LRBA: variants seen among roughly 807,000 people sequenced by gnomAD.
The protein encoded by LRBA is lipopolysaccharide-responsive and beige-like anchor protein.
LRBA carries 176 observed loss-of-function variants against 330.0 expected under a neutral mutation model. The ratio of observed to expected loss-of-function variants is 0.53; its 90% CI spans 0.47 to 0.60. The LOEUF is 0.60. LRBA is among the 20% of genes least tolerant of loss of function. The pLI is 0.00. For missense variants in LRBA, 3,259 were observed against 3,444.8 expected, an observed-to-expected ratio of 0.95 and a Z score of 1.35; for synonymous variants, 1,230 against 1,193.0, an observed-to-expected ratio of 1.03 and a Z score of -0.64.
chr4:150,322,839 G>A (rs1247982177), intron 49 of LRBA, among the ~76,000 whole-genome samples: 1 of 152,146 alleles, frequency 6.6e-6, no homozygotes, highest in Non-Finnish European at 1.5e-5. Flanking sequence ...ACTATCTGAT[G>A]GTGTGAAAAC....
intron 37 of LRBA, among the ~76,000 whole-genome samples, chr4:150,618,204 G>C (rs1486075712): frequency 6.6e-6 from 1 of 152,088 alleles, no homozygotes; most frequent in Non-Finnish European, 1.5e-5. Context: ...TACTATTGTT[G>C]AAAGTTTACT....
intron 40 of LRBA, chr4:150,582,929 C>T: frequency 7.2e-7 from 1 of 1,395,086 alleles, no homozygotes; most frequent in Non-Finnish European, 9.7e-7. Flanking sequence ...GGGGAGCGCA[C>T]CGCCTCTTTC....
chr4:150,306,810 C>T (rs1056460899), intron 52 of LRBA, among the ~76,000 whole-genome samples: 2 of 152,164 alleles, frequency 1.3e-5, no homozygotes, highest in African/African-American at 2.4e-5. Flanking sequence ...GATGAGACAA[C>T]ATGCTATGAT....
rs539381183 is a variant in LRBA at position 150,994,510 on chromosome 4, AG to A, written c.216+19916del. Among the ~76,000 whole-genome samples the A allele has an allele frequency of 1.3e-4, 20 of 152,372 alleles. No homozygotes were observed. In the South Asian group the frequency reaches 4.1e-3, roughly 32 times the overall value. On this transcript the variant is annotated intron_variant, in intron 2 of 56. Coordinates refer to ENST00000651943, the MANE Select transcript of LRBA (RefSeq NM_001364905.1). ...TGGCAATGAAACAGTAAACAAAAAA[AG>A]TAAGTCCCTACTTTTATGGAGTGTG...
intron 40 of LRBA, among the ~76,000 whole-genome samples, chr4:150,556,571 A>G (rs1321199565): frequency 3.9e-5 from 6 of 152,226 alleles, no homozygotes; most frequent in Non-Finnish European, 8.8e-5. Context: ...TTAGTGCCAT[A>G]ACTCCAATCT....
intron 36 of LRBA, among the ~76,000 whole-genome samples, chr4:150,687,079 T>G (rs1208866984): frequency 1.3e-5 from 2 of 152,074 alleles, no homozygotes; most frequent in Non-Finnish European, 2.9e-5. Context: ...TGTGGAACCT[T>G]AGGGTCACAT....
At chr4:150,710,271 A>G (rs1178677478) in intron 36 of LRBA, among the ~76,000 whole-genome samples, 1 of 152,112 alleles carries the variant, frequency 6.6e-6, no homozygotes. Flanking sequence ...TTATGTAAGC[A>G]AGTAAGTAAA....
intron 13 of LRBA, 91 bp downstream of exon 13, chr4:150,905,747 A>T (rs1731256837): frequency 8.5e-7 from 1 of 1,175,614 alleles, no homozygotes; most frequent in African/African-American, 1.5e-5. Flanking sequence ...AATAGTACAT[A>T]AAAAAAAGAA....
intron 42 of LRBA, among the ~76,000 whole-genome samples, chr4:150,478,440 G>A (rs1756950393): frequency 6.6e-6 from 1 of 152,134 alleles, no homozygotes; most frequent in Non-Finnish European, 1.5e-5. Flanking sequence ...TGAGACTTGA[G>A]TATTGACTAA....
At chr4:150,381,743 G>A (rs1742298301) in intron 47 of LRBA, among the ~76,000 whole-genome samples, 2 of 98,426 alleles carry the variant, frequency 2.0e-5, no homozygotes, top group Admixed American at 1.9e-4. Context: ...GGGTCACACG[G>A]TAACTCAATG....
intron 40 of LRBA, among the ~76,000 whole-genome samples, chr4:150,521,167 C>T (rs1030586001): frequency 1.3e-5 from 2 of 151,926 alleles, no homozygotes; most frequent in African/African-American, 2.4e-5. Context: ...TTTTAAAAAA[C>T]AGCTTTTGGT....
chr4:150,793,530 T>C (rs1056632629), intron 34 of LRBA, among the ~76,000 whole-genome samples: 2 of 152,192 alleles, frequency 1.3e-5, no homozygotes, highest in African/African-American at 4.8e-5. Context: ...CATGTTACCA[T>C]TGATTTATCA....
At chr4:150,923,118 G>A (rs181300402) in intron 4 of LRBA, among the ~76,000 whole-genome samples, 2 of 151,374 alleles carry the variant, frequency 1.3e-5, no homozygotes, top group Non-Finnish European at 2.9e-5. Context: ...GGGTTTAGCC[G>A]GAGGTAGCCC....
At chr4:150,365,494 T>C (rs1038788790) in intron 47 of LRBA, among the ~76,000 whole-genome samples, 2 of 152,172 alleles carry the variant, frequency 1.3e-5, no homozygotes, top group African/African-American at 4.8e-5. Context: ...TAGCAACTTA[T>C]GAAAATGTGA....
At chr4:150,630,543 T>C (rs530879027) in intron 37 of LRBA, among the ~76,000 whole-genome samples, 10 of 150,414 alleles carry the variant, frequency 6.6e-5, no homozygotes, top group Non-Finnish European at 1.5e-4. Context: ...TATTAACACA[T>C]ACTGTAGTTT....
chr4:150,514,813 T>C (rs964891420), intron 40 of LRBA, among the ~76,000 whole-genome samples: 2 of 152,226 alleles, frequency 1.3e-5, no homozygotes, highest in Admixed American at 6.5e-5. Context: ...TTATTGCGTA[T>C]GTTAAATTGA....
chr4:150,944,492 G>C lies in LRBA; in HGVS notation c.217-15427C>G, dbSNP rs72719699. 5.8e-3 allele frequency among the ~76,000 whole-genome samples: 880 copies of C among 152,040 alleles called. 4 individuals carry two copies. Among genetic ancestry groups the C allele is most frequent in the Non-Finnish European group, 9.1e-3 (620 of 67,986 alleles). ...ACATAATACTTGTATTTAATTATTT[G>C]TGACAGTTACTGCAGACTGGCTTAC... On this transcript the variant is annotated intron_variant, in intron 2 of 56. Coordinates refer to ENST00000651943, the MANE Select transcript of LRBA (RefSeq NM_001364905.1).
At chr4:150,799,415 G>C (rs1356703907) in intron 33 of LRBA, among the ~76,000 whole-genome samples, 2 of 152,168 alleles carry the variant, frequency 1.3e-5, no homozygotes, top group African/African-American at 4.8e-5. Flanking sequence ...CTTACTGCAG[G>C]TGTAGCCCTC....
chr4:150,685,749 T>TATGC (rs1294314252), intron 36 of LRBA, among the ~76,000 whole-genome samples: 34 of 151,952 alleles, frequency 2.2e-4, no homozygotes, highest in Admixed American at 9.2e-4. Context: ...ATCAAATATC[T>TATGC]TAGTCTGTGC....
Sources: allele counts gnomAD v4.1 joint callset (sites outside exome capture counted in the v4.1 genomes callset), GRCh38; gene constraint gnomAD v4.1.1; transcripts MANE v1.5; gene names NCBI Gene and HGNC (gene_info 2026-07-23, HGNC 2026-07-21).